The following HADHA variants were observed in gnomAD, a reference collection of about 807,000 sequenced individuals.
HADHA encodes hydroxyacyl-CoA dehydrogenase trifunctional multienzyme complex subunit alpha.
In HADHA, 59 loss-of-function variants were observed where a neutral mutation model predicts 91.3. The ratio of observed to expected loss-of-function variants is 0.65; its 90% CI spans 0.52 to 0.80. The LOEUF (loss-of-function observed/expected upper bound fraction) is 0.80. Among genes scored for constraint, HADHA ranks in the 30% least tolerant of loss-of-function variants. HADHA has a pLI of 0.00. For synonymous variants in HADHA, 320 were observed against 338.9 expected (o/e 0.94, Z 0.61); for missense variants, 800 against 927.6 (o/e 0.86, Z 1.79).
At chr2:26,233,192 T>C (rs1032386772) in intron 5 of HADHA, among the ~76,000 whole-genome samples, 1 of 152,156 alleles carries the variant, frequency 6.6e-6, no homozygotes, top group Non-Finnish European at 1.5e-5. Context: ...GCCCAGTTCC[T>C]AACAGGCTAT....
intron 7 of HADHA, among the ~76,000 whole-genome samples, chr2:26,220,019 C>T (rs1670336409): frequency 6.6e-6 from 1 of 152,142 alleles, no homozygotes; most frequent in South Asian, 2.1e-4. Flanking sequence ...TTATCTTTCT[C>T]CTACCCTTCC....
Position 26,204,099 on chromosome 2 carries a change from T to C in HADHA, c.1183A>G (p.Thr395Ala). The C allele has an allele frequency of 6.2e-7, 1 of 1,613,966 alleles. No individual in the cohort carries two copies. Among genetic ancestry groups the C allele is most frequent in the Non-Finnish European group, 8.5e-7 (1 of 1,179,792 alleles). Residue 395 changes from threonine (T) to alanine (A), a missense_variant, in exon 12 of 20, where the codon ACT becomes GCT. Physicochemically the swap from Thr to Ala is moderately conservative, Grantham distance 58. Transcript: ENST00000380649. ...TGTTGCTGTCCTCGGTCTAGCGCAG[T>C]GAGGGTGGCATCTTTAAGTATAGTC... ...LKTILKDATL[T>A]ALDRGQQQVF... is the part of the protein sequence containing the mutation.
chr2:26,190,829 T>TTG lies in HADHA; in HGVS notation c.*419_*420dup. 1 of 283,356 alleles carries TTG rather than the reference T, an allele frequency of 3.5e-6. No homozygotes were observed. The highest frequency in any genetic ancestry group is 9.0e-5 in the East Asian group (1 of 11,094). The allele number at this position is 283,356 out of a possible 1,614,324, so 17.6% of individuals were successfully genotyped here. On this transcript the variant is annotated 3_prime_UTR_variant, in exon 20 of 20. Transcript: ENST00000380649. ...CCAAAGCACAGGGCTTTCTTCCAGA[T>TTG]TGCTTTTTGAAGGAGGCGTTTAAAC...
At chr2:26,228,209 C>A (rs1321932493) in intron 7 of HADHA, among the ~76,000 whole-genome samples, 1 of 151,914 alleles carries the variant, frequency 6.6e-6, no homozygotes, top group Non-Finnish European at 1.5e-5. Context: ...TGGCTCACGG[C>A]AACCTCCACC....
Position 26,238,983 on chromosome 2 carries a change from C to T in HADHA, c.131G>A (p.Gly44Glu), listed in dbSNP as rs1670826620. ...ALLTRTHINY[G>E]VKGDVAVVRI... ...AACAACTGCCACATCCCCTTTGACTCCATAGTTAATATGGGTTCTGGCTAA... is the reference window on the plus strand; with the variant it reads ...AACAACTGCCACATCCCCTTTGACTTCATAGTTAATATGGGTTCTGGCTAA... Residue 44 changes from glycine (G) to glutamate (E), a missense_variant, in exon 3 of 20, where the codon GGA (glycine) becomes GAA (glutamate). Gly to Glu is a moderately conservative substitution (Grantham distance 98). Coordinates refer to ENST00000380649, the MANE Select transcript of HADHA (RefSeq NM_000182.5). 2 of 1,606,326 alleles carry T rather than the reference C, an allele frequency of 1.2e-6. No individual in the cohort carries two copies. The highest frequency in any genetic ancestry group is 2.7e-5 in the African/African-American group (2 of 74,734).
intron 13 of HADHA, 138 bp downstream of exon 13, chr2:26,201,011 C>T (rs960904307): frequency 3.0e-5 from 22 of 734,164 alleles, no homozygotes; most frequent in African/African-American, 2.1e-4. Flanking sequence ...GGATTATAGG[C>T]GTGAGCCACC....
intron 14 of HADHA, among the ~76,000 whole-genome samples, chr2:26,195,494 A>T (rs1173580158): frequency 6.6e-6 from 1 of 150,842 alleles, no homozygotes; most frequent in Non-Finnish European, 1.5e-5. Context: ...CAGTGCCAAA[A>T]CCACAGCTCG....
chr2:26,238,555 T>C (rs1670816161), intron 3 of HADHA, among the ~76,000 whole-genome samples: 1 of 152,230 alleles, frequency 6.6e-6, no homozygotes, highest in Admixed American at 6.5e-5. Flanking sequence ...TTACTATGAA[T>C]AGTGACTTAT....
intron 3 of HADHA, among the ~76,000 whole-genome samples, chr2:26,237,970 T>G (rs1670800929): frequency 6.6e-6 from 1 of 152,218 alleles, no homozygotes; most frequent in Non-Finnish European, 1.5e-5. Flanking sequence ...TGCTTCCATC[T>G]AGGTCTTATT....
At chr2:26,222,767 C>A (rs1459871227) in intron 7 of HADHA, among the ~76,000 whole-genome samples, 1 of 152,124 alleles carries the variant, frequency 6.6e-6, no homozygotes, top group Non-Finnish European at 1.5e-5. Context: ...TGAAGTGCAG[C>A]AATGGGCCAT....
chr2:26,209,676 A>G (rs1437389382), intron 11 of HADHA, 104 bp downstream of exon 11: 3 of 776,112 alleles, frequency 3.9e-6, no homozygotes, highest in Admixed American at 1.8e-5. Flanking sequence ...GTTGAGGGCA[A>G]GACTGAATTA....
intron 1 of HADHA, chr2:26,243,394 G>A (rs140116241): frequency 3.4e-5 from 5 of 147,172 alleles, no homozygotes; most frequent in Admixed American, 6.8e-5. Context: ...GTAAGACAAT[G>A]GGTGATTCGT....
chr2:26,218,711 T>C (rs1469444567), intron 7 of HADHA, among the ~76,000 whole-genome samples: 1 of 151,964 alleles, frequency 6.6e-6, no homozygotes, highest in Admixed American at 6.6e-5. Flanking sequence ...CAGGAAAATA[T>C]TATCAATTGA....
chr2:26,206,731 G>A (rs533810078), intron 11 of HADHA, among the ~76,000 whole-genome samples: 1 of 152,302 alleles, frequency 6.6e-6, no homozygotes, highest in Non-Finnish European at 1.5e-5. Flanking sequence ...GTGATGAACA[G>A]CTATATAATA....
intron 17 of HADHA, among the ~76,000 whole-genome samples, chr2:26,192,734 C>CA (rs965732861): frequency 6.3e-4 from 93 of 148,624 alleles, no homozygotes; most frequent in East Asian, 2.2e-3. Flanking sequence ...GACTCTGTCT[C>CA]AAAAAAAAAC....
In HADHA at chr2:26,232,061, G is replaced by GT. The variant is rs1236992906; in HGVS notation, c.573+98dup. 8.0e-6 allele frequency: 7 copies of GT among 876,748 alleles called. No individual in the cohort carries two copies. In the East Asian group the frequency reaches 9.8e-5, roughly 12 times the overall value. The allele number at this position is 876,748 out of a possible 1,614,324, so 54.3% of individuals were successfully genotyped here. ...ATCCTGTACACTCATATTTTATTTG[G>GT]TTTTTTAATTCTACAATGAATGCCC... is the stretch of plus-strand genomic sequence containing the variant. On this transcript the variant is annotated intron_variant, in intron 6 of 19. Transcript: ENST00000380649.
intron 1 of HADHA, among the ~76,000 whole-genome samples, chr2:26,241,510 G>A (rs1670888875): frequency 6.6e-6 from 1 of 151,820 alleles, no homozygotes; most frequent in African/African-American, 2.4e-5. Context: ...AGTTAGCTGG[G>A]CGTGGTGGCA....
intron 3 of HADHA, among the ~76,000 whole-genome samples, chr2:26,238,641 C>T (rs1670817930): frequency 6.6e-6 from 1 of 152,192 alleles, no homozygotes; most frequent in Non-Finnish European, 1.5e-5. Flanking sequence ...GTCTTATAAA[C>T]AAAGCTTGTA....
chr2:26,230,350 T>C (rs1670593792), intron 6 of HADHA, 56 bp from the exon 7 acceptor site: 5 of 1,008,888 alleles, frequency 5.0e-6, no homozygotes, highest in South Asian at 3.8e-5. Flanking sequence ...GTGATAATTA[T>C]ATAGTTTACA....
Sources: gnomAD v4.1 joint callset for allele counts (sites outside exome capture counted in the v4.1 genomes callset) on GRCh38, gnomAD v4.1.1 for gene constraint, MANE v1.5 for transcripts, NCBI Gene and HGNC (gene_info 2026-07-23, HGNC 2026-07-21) for gene names.